Variants in ASPRV1 observed in about 807,000 individuals in gnomAD.
ASPRV1 encodes retroviral-like aspartic protease 1.
In ASPRV1, 7 loss-of-function variants were observed where a neutral mutation model predicts 11.0. The ratio of observed to expected loss-of-function variants is 0.64; its 90% CI spans 0.36 to 1.20. The LOEUF is 1.20. ASPRV1 is among the 50% of genes most tolerant of loss of function. The pLI, the probability that ASPRV1 is intolerant of heterozygous loss-of-function variation, is 0.02. For missense variants in ASPRV1, 299 were observed against 320.0 expected (o/e 0.93, Z 0.50); for synonymous variants, 136 against 138.4 (o/e 0.98, Z 0.12).
chr2:69,989,223 T>C, the ASPRV1 span, among the ~76,000 whole-genome samples: 1 of 152,252 alleles, frequency 6.6e-6, no homozygotes, highest in Non-Finnish European at 1.5e-5. Context: ...GAGTCACCTC[T>C]GGTCTTGCCC....
the ASPRV1 span, among the ~76,000 whole-genome samples, chr2:70,074,378 T>C: frequency 1.7e-4 from 25 of 150,158 alleles, no homozygotes; most frequent in Admixed American, 1.7e-3. Context: ...AACCTCTGCC[T>C]CCTGGGTTCA....
chr2:69,990,725 G>A, the ASPRV1 span, among the ~76,000 whole-genome samples: 1 of 152,154 alleles, frequency 6.6e-6, no homozygotes, highest in Non-Finnish European at 1.5e-5. Flanking sequence ...AAAGTGCAGG[G>A]ATTACAGGTG....
At chr2:70,046,399 C>T in the ASPRV1 span, 4 of 152,174 alleles carry the variant, frequency 2.6e-5, no homozygotes, top group African/African-American at 9.7e-5. Flanking sequence ...TGACTTGTCT[C>T]TTAGTGATCC....
At chr2:69,954,902 TAG>T in the ASPRV1 span, among the ~76,000 whole-genome samples, 1 of 152,148 alleles carries the variant, frequency 6.6e-6, no homozygotes, top group Non-Finnish European at 1.5e-5. Flanking sequence ...TAGGAACTCC[TAG>T]AGACAGGAAG....
chr2:70,011,283 A>G, the ASPRV1 span, among the ~76,000 whole-genome samples: 3 of 152,166 alleles, frequency 2.0e-5, no homozygotes. Context: ...TTAAAAAAAA[A>G]AAGTGTGAGA....
At chr2:69,959,580 A>C (rs377518216), downstream of ASPRV1, among the ~76,000 whole-genome samples, 14 of 151,972 alleles carry the variant, frequency 9.2e-5, no homozygotes, top group African/African-American at 3.4e-4. Flanking sequence ...TCCAAGAAGA[A>C]GCTGACCTCC....
upstream of ASPRV1, among the ~76,000 whole-genome samples, chr2:69,964,996 C>T (rs1678287644): frequency 6.6e-6 from 1 of 152,154 alleles, no homozygotes; most frequent in African/African-American, 2.4e-5. Context: ...GCCCATCGGG[C>T]CTCCTGAGAC....
the ASPRV1 span, among the ~76,000 whole-genome samples, chr2:69,974,560 C>G: frequency 6.6e-6 from 1 of 152,214 alleles, no homozygotes; most frequent in African/African-American, 2.4e-5. Flanking sequence ...AAGCCCAGCT[C>G]TTCCTTGAGC....
the ASPRV1 span, among the ~76,000 whole-genome samples, chr2:70,020,942 T>C: frequency 9.2e-4 from 140 of 152,304 alleles, no homozygotes; most frequent in African/African-American, 3.3e-3. Context: ...CGGTGATGGT[T>C]GCACAATATA....
the ASPRV1 span, among the ~76,000 whole-genome samples, chr2:70,001,723 G>C: frequency 6.6e-6 from 1 of 152,030 alleles, no homozygotes; most frequent in South Asian, 2.1e-4. Context: ...TCTCCCCATT[G>C]CACCCCAGCC....
the ASPRV1 span, among the ~76,000 whole-genome samples, chr2:70,085,363 C>T: frequency 0.025 from 3,778 of 152,266 alleles, 147 homozygotes; most frequent in African/African-American, 0.085. Context: ...TTCAGCCCGC[C>T]CGCCCGTTAC....
At chr2:70,004,528 C>CAAAAAAAAAAAAAAAAAA in the ASPRV1 span, among the ~76,000 whole-genome samples, 1 of 54,640 alleles carries the variant, frequency 1.8e-5, no homozygotes. Flanking sequence ...AACTCCATCT[C>CAAAAAAAAAAAAAAAAAA]AAAAAAAAAA....
At chr2:69,951,855 T>C in the ASPRV1 span, among the ~76,000 whole-genome samples, 1 of 152,136 alleles carries the variant, frequency 6.6e-6, no homozygotes, top group Non-Finnish European at 1.5e-5. Flanking sequence ...TTTTTTATTT[T>C]CATAAATTGA....
At chr2:70,076,634 AACATCATAGCTCAG>A in the ASPRV1 span, among the ~76,000 whole-genome samples, 1 of 152,194 alleles carries the variant, frequency 6.6e-6, no homozygotes, top group Non-Finnish European at 1.5e-5. Context: ...TAGCCTACCA[AACATCATAGCTCAG>A]CCTAGACTAT....
the ASPRV1 span, among the ~76,000 whole-genome samples, chr2:70,085,306 A>G: frequency 6.6e-6 from 1 of 152,070 alleles, no homozygotes; most frequent in East Asian, 1.9e-4. Flanking sequence ...GGCAGGCTGA[A>G]TCACTTCCCC....
chr2:70,000,788 C>CAAAAAAAAAAAAAAAAAAAAAAAA, the ASPRV1 span, among the ~76,000 whole-genome samples: 21 of 42,038 alleles, frequency 5.0e-4, no homozygotes, highest in South Asian at 1.4e-3. Context: ...GACCCTGCCT[C>CAAAAAAAAAAAAAAAAAAAAAAAA]AAAAAAAAAA....
the ASPRV1 span, chr2:70,056,625 A>AAAAAAAAAAAAAAAAAAAAAG: frequency 2.1e-5 from 3 of 145,280 alleles, no homozygotes; most frequent in East Asian, 2.2e-4. Flanking sequence ...AAAAAAAAAA[A>AAAAAAAAAAAAAAAAAAAAAG]GTGGTTAAAA....
At chr2:69,972,511 C>T in the ASPRV1 span, among the ~76,000 whole-genome samples, 4 of 152,218 alleles carry the variant, frequency 2.6e-5, 1 homozygote, top group African/African-American at 9.6e-5. Context: ...GCTCCCGCCA[C>T]CATGCCCGGC....
At chr2:70,037,056 A>G in the ASPRV1 span, among the ~76,000 whole-genome samples, 4 of 152,254 alleles carry the variant, frequency 2.6e-5, no homozygotes, top group Non-Finnish European at 5.9e-5. Flanking sequence ...TATTGCTTCT[A>G]CTTTAGAAGT....
Sources: gnomAD v4.1 joint callset for allele counts (sites outside exome capture counted in the v4.1 genomes callset) on GRCh38, gnomAD v4.1.1 for gene constraint, MANE v1.5 for transcripts, NCBI Gene and HGNC (gene_info 2026-07-23, HGNC 2026-07-21) for gene names.